The following LYRM7 variants were observed in gnomAD, a reference collection of about 807,000 sequenced individuals.
LYRM7 encodes the protein complex III assembly factor LYRM7.
LYRM7 carries 9 observed loss-of-function variants against 15.8 expected under a neutral mutation model. The ratio of observed to expected loss-of-function variants is 0.57; its 90% CI spans 0.34 to 0.99. The LOEUF is 0.99. Among genes scored for constraint, LYRM7 ranks in the 50% least tolerant of loss-of-function variants. The probability of loss-of-function intolerance (pLI) is 0.02; values close to 1 mark genes in which losing one functional copy is unlikely to be tolerated. For synonymous variants in LYRM7, 39 were observed against 39.4 expected (o/e 0.99, Z 0.04); for missense variants, 115 against 119.1 (o/e 0.97, Z 0.16).
At chr5:131,186,903 T>A (rs1374891305) in intron 3 of LYRM7, 125 bp from the exon 4 acceptor site, 8 of 604,010 alleles carry the variant, frequency 1.3e-5, no homozygotes, top group Non-Finnish European at 2.4e-5. Flanking sequence ...TAACTGAAAC[T>A]GCAGATAAGG....
intron 4 of LYRM7, among the ~76,000 whole-genome samples, chr5:131,191,477 A>G (rs1289410254): frequency 2.0e-5 from 3 of 152,160 alleles, no homozygotes; most frequent in African/African-American, 4.8e-5. Context: ...TTCTAAATCA[A>G]TCTCTCTTTT....
intron 1 of LYRM7, 128 bp from the exon 2 acceptor site, chr5:131,179,967 G>A (rs910130419): frequency 3.5e-5 from 22 of 631,858 alleles, no homozygotes; most frequent in African/African-American, 3.2e-4. Flanking sequence ...AGAGATGGGG[G>A]TCTCACCATA....
chr5:131,192,080 C>T (rs931225927), intron 4 of LYRM7, among the ~76,000 whole-genome samples: 1 of 139,282 alleles, frequency 7.2e-6, no homozygotes, highest in Non-Finnish European at 1.5e-5. Flanking sequence ...CACACACACA[C>T]AATGCAATAT....
chr5:131,180,296 A>T, intron 2 of LYRM7, 129 bp downstream of exon 2: 2 of 559,184 alleles, frequency 3.6e-6, no homozygotes, highest in Non-Finnish European at 6.3e-6. Flanking sequence ...GATATCTTTT[A>T]TAAAGATTAG....
chr5:131,197,062 G>A (rs1345065513), intron 4 of LYRM7, among the ~76,000 whole-genome samples: 1 of 152,080 alleles, frequency 6.6e-6, no homozygotes, highest in Non-Finnish European at 1.5e-5. Flanking sequence ...AAAGTGATAT[G>A]GGTATATTTA....
intron 4 of LYRM7, among the ~76,000 whole-genome samples, chr5:131,191,434 C>A (rs1279831826): frequency 6.6e-6 from 1 of 152,084 alleles, no homozygotes; most frequent in Non-Finnish European, 1.5e-5. Flanking sequence ...AATGAAACTT[C>A]ATTTGGAAGA....
chr5:131,179,944 A>G, intron 1 of LYRM7, 151 bp from the exon 2 acceptor site: 2 of 453,998 alleles, frequency 4.4e-6, no homozygotes, highest in South Asian at 2.8e-5. Flanking sequence ...TCAAAAAAAA[A>G]TTTTTTTTTT....
chr5:131,198,867 G>A (rs765413729), intron 4 of LYRM7, among the ~76,000 whole-genome samples: 5 of 151,764 alleles, frequency 3.3e-5, no homozygotes, highest in Admixed American at 6.6e-5. Context: ...CACCACACCC[G>A]GCCAAAAATT....
At chr5:131,187,161 T>C (rs763486939) in intron 4 of LYRM7, 52 bp downstream of exon 4, 66 of 1,021,994 alleles carry the variant, frequency 6.5e-5, no homozygotes, top group Non-Finnish European at 9.3e-5. Context: ...TTTTAAAATA[T>C]TGAATAATTA....
intron 4 of LYRM7, among the ~76,000 whole-genome samples, chr5:131,191,519 T>C (rs1213023796): frequency 6.6e-6 from 1 of 152,150 alleles, no homozygotes; most frequent in Non-Finnish European, 1.5e-5. Context: ...ACAGTGGAAA[T>C]TAAATTTTGA....
rs1476767483 is a variant in LYRM7, at chr5:131,204,577, A to G, written c.*4976A>G. The G allele has an allele frequency of 2.0e-5, 3 of 151,864 alleles. No homozygotes were observed. Among genetic ancestry groups the G allele is most frequent in the Non-Finnish European group, 2.9e-5 (2 of 68,004 alleles). 9.4% of individuals were successfully genotyped at this position (151,864 alleles called of 1,614,324 possible). On this transcript the variant is annotated 3_prime_UTR_variant, in exon 5 of 5. Transcript: ENST00000379380. ...AAGTCCAAAACTTTCTGACCCACCAACATGACTGATGCTCAAAGGAAATGG... is the reference window on the plus strand; with the variant it reads ...AAGTCCAAAACTTTCTGACCCACCAGCATGACTGATGCTCAAAGGAAATGG...
intron 1 of LYRM7, among the ~76,000 whole-genome samples, chr5:131,173,432 G>A (rs1755552789): frequency 6.6e-6 from 1 of 152,242 alleles, no homozygotes; most frequent in Non-Finnish European, 1.5e-5. Context: ...TAAGTGTGCA[G>A]TAGCATTATG....
chr5:131,188,414 A>AGG (rs1755832167), intron 4 of LYRM7, among the ~76,000 whole-genome samples: 1 of 151,476 alleles, frequency 6.6e-6, no homozygotes, highest in South Asian at 2.1e-4. Flanking sequence ...ACATGTAAAA[A>AGG]AAAAAAAAAA....
chr5:131,196,456 C>T (rs1396007215), intron 4 of LYRM7, among the ~76,000 whole-genome samples: 1 of 152,054 alleles, frequency 6.6e-6, no homozygotes, highest in Non-Finnish European at 1.5e-5. Flanking sequence ...CCAAGAAAGT[C>T]ATTGTTTTCC....
intron 4 of LYRM7, among the ~76,000 whole-genome samples, chr5:131,189,168 C>T (rs1256402477): frequency 7.0e-6 from 1 of 143,484 alleles, no homozygotes; most frequent in Non-Finnish European, 1.5e-5. Context: ...AAAGGCCAGG[C>T]GTGGTGGCTC....
At chr5:131,181,314 T>TATATATATATATATATAC (rs1561544210) in intron 2 of LYRM7, among the ~76,000 whole-genome samples, 2 of 51,972 alleles carry the variant, frequency 3.8e-5, no homozygotes, top group Admixed American at 3.4e-4. Flanking sequence ...TATATATATA[T>TATATATATATATATATAC]ATACACACAC....
At chr5:131,172,708 AT>A (rs1291738516) in intron 1 of LYRM7, among the ~76,000 whole-genome samples, 1 of 152,246 alleles carries the variant, frequency 6.6e-6, no homozygotes, top group Non-Finnish European at 1.5e-5. Context: ...CCAAAAAAAA[AT>A]AGGAAAGTGA....
intron 4 of LYRM7, among the ~76,000 whole-genome samples, chr5:131,190,032 G>A (rs892071452): frequency 6.6e-6 from 1 of 151,606 alleles, no homozygotes; most frequent in African/African-American, 2.4e-5. Flanking sequence ...TACTAGGGAG[G>A]CTGAGGTGGG....
chr5:131,192,886 C>G (rs1755907406), intron 4 of LYRM7, among the ~76,000 whole-genome samples: 1 of 152,110 alleles, frequency 6.6e-6, no homozygotes, highest in Non-Finnish European at 1.5e-5. Flanking sequence ...AACCCTCTTT[C>G]TAATGTGGAT....
Sources: allele counts gnomAD v4.1 joint callset (sites outside exome capture counted in the v4.1 genomes callset), GRCh38; gene constraint gnomAD v4.1.1; transcripts MANE v1.5; gene names NCBI Gene and HGNC (gene_info 2026-07-23, HGNC 2026-07-21).